Variants in AGTPBP1 observed in about 807,000 individuals in gnomAD.
The protein encoded by AGTPBP1 is ATP/GTP binding carboxypeptidase 1.
AGTPBP1 carries 70 observed loss-of-function variants against 143.9 expected under a neutral mutation model. The observed-to-expected ratio is 0.49, with a 90% confidence interval of 0.40 to 0.59. The LOEUF is 0.59. Ranked by LOEUF, AGTPBP1 falls within the 20% of genes least tolerant of loss-of-function variation. The pLI is 0.00. For missense variants in AGTPBP1, 1,229 were observed against 1,464.5 expected (o/e 0.84, Z 2.62); for synonymous variants, 463 against 500.2 (o/e 0.93, Z 0.99).
At chr9:85,670,577 T>C (rs1834419969) in intron 7 of AGTPBP1, among the ~76,000 whole-genome samples, 1 of 152,166 alleles carries the variant, frequency 6.6e-6, no homozygotes, top group Non-Finnish European at 1.5e-5. Context: ...TTAAATATAT[T>C]GTAGAACCAG....
chr9:85,594,358 C>T (rs974857620), intron 18 of AGTPBP1, among the ~76,000 whole-genome samples: 1 of 152,252 alleles, frequency 6.6e-6, no homozygotes, highest in Middle Eastern at 3.4e-3. Flanking sequence ...TTTGTTCATG[C>T]CTGTAATCCC....
chr9:85,550,648 C>A (rs1825983040), intron 25 of AGTPBP1, among the ~76,000 whole-genome samples: 1 of 152,126 alleles, frequency 6.6e-6, no homozygotes, highest in Admixed American at 6.5e-5. Context: ...CATGGACTTG[C>A]CAGATATAGT....
chr9:85,775,290 T>C, the AGTPBP1 span, among the ~76,000 whole-genome samples: 1 of 151,482 alleles, frequency 6.6e-6, no homozygotes, highest in Non-Finnish European at 1.5e-5. Flanking sequence ...GTGACAGAGT[T>C]AAGACCCTGT....
At chr9:85,574,554 G>T (rs1827775299) in intron 25 of AGTPBP1, among the ~76,000 whole-genome samples, 1 of 151,492 alleles carries the variant, frequency 6.6e-6, no homozygotes, top group Non-Finnish European at 1.5e-5. Flanking sequence ...AGGAGAAAAA[G>T]ACTACCTATT....
the AGTPBP1 span, chr9:85,756,020 T>A: frequency 3.1e-6 from 4 of 1,275,638 alleles, no homozygotes; most frequent in Non-Finnish European, 4.2e-6. Context: ...TATTACCATA[T>A]AATTTTTATG....
At chr9:85,574,643 G>A (rs1419186965) in intron 25 of AGTPBP1, among the ~76,000 whole-genome samples, 1 of 151,980 alleles carries the variant, frequency 6.6e-6, no homozygotes, top group Admixed American at 6.6e-5. Flanking sequence ...TAACCAGAAG[G>A]ATACTGGACA....
At chr9:85,645,408 A>G (rs1832752986) in intron 12 of AGTPBP1, among the ~76,000 whole-genome samples, 1 of 152,174 alleles carries the variant, frequency 6.6e-6, no homozygotes, top group African/African-American at 2.4e-5. Context: ...CAAGATAATT[A>G]AGGGCAATAC....
chr9:85,786,957 T>G, the AGTPBP1 span, among the ~76,000 whole-genome samples: 6 of 152,192 alleles, frequency 3.9e-5, no homozygotes, highest in Non-Finnish European at 7.3e-5. Flanking sequence ...AATATAACTA[T>G]ATTATTGTTA....
chr9:85,621,126 TTA>T, intron 15 of AGTPBP1, 74 bp downstream of exon 15: 2 of 790,778 alleles, frequency 2.5e-6, no homozygotes, highest in Non-Finnish European at 3.7e-6. Flanking sequence ...CACAGAATTT[TTA>T]TCTTTTAGAA....
intron 25 of AGTPBP1, among the ~76,000 whole-genome samples, chr9:85,564,650 T>C (rs533546080): frequency 6.6e-6 from 1 of 152,338 alleles, no homozygotes; most frequent in East Asian, 1.9e-4. Flanking sequence ...TACAGGCTTG[T>C]AGCCTAGGAG....
chr9:85,618,558 T>G (rs1830728933), intron 17 of AGTPBP1, among the ~76,000 whole-genome samples: 1 of 149,190 alleles, frequency 6.7e-6, no homozygotes, highest in Non-Finnish European at 1.5e-5. Flanking sequence ...ATTCCACACT[T>G]TTTTTTTTTA....
chr9:85,629,543 A>G (rs1483316589), intron 14 of AGTPBP1, among the ~76,000 whole-genome samples: 1 of 152,232 alleles, frequency 6.6e-6, no homozygotes, highest in East Asian at 1.9e-4. Flanking sequence ...GACAAAACCC[A>G]GTATCAGAAA....
intron 14 of AGTPBP1, among the ~76,000 whole-genome samples, chr9:85,622,817 A>C (rs1831023285): frequency 1.3e-5 from 2 of 152,220 alleles, no homozygotes; most frequent in Non-Finnish European, 1.5e-5. Flanking sequence ...ATAGTGAAGG[A>C]TATGGCACTT....
intron 11 of AGTPBP1, among the ~76,000 whole-genome samples, chr9:85,649,709 T>C (rs912633659): frequency 6.6e-6 from 1 of 152,162 alleles, no homozygotes; most frequent in African/African-American, 2.4e-5. Flanking sequence ...GTTCAGGAAA[T>C]ATTCCTGTGT....
rs773145673 is a variant in AGTPBP1, at chr9:85,632,806, A to G, written c.1871T>C (p.Leu624Pro). 2 of 1,614,118 alleles carry G rather than the reference A, an allele frequency of 1.2e-6. No individual in the cohort carries two copies. Among genetic ancestry groups the G allele is most frequent in the African/African-American group, 2.7e-5 (2 of 75,032 alleles). ...ASVEVPDGPT[L>P]HDPDLYIEIV... Reference sequence around the variant, plus strand: ...CTCAATATAGAGGTCTGGGTCATGGAGTGTTGGTCCATCAGGTACTTCAAC... The same window carrying G: ...CTCAATATAGAGGTCTGGGTCATGGGGTGTTGGTCCATCAGGTACTTCAAC... Residue 624 changes from leucine (L) to proline (P), a missense_variant, in exon 14 of 26, where the codon CTC becomes CCC. Leu to Pro is a moderately conservative substitution (Grantham distance 98). Coordinates refer to ENST00000357081, the MANE Select transcript of AGTPBP1 (RefSeq NM_001330701.2).
At chr9:85,705,054 T>C (rs1836894528) in intron 2 of AGTPBP1, among the ~76,000 whole-genome samples, 1 of 151,774 alleles carries the variant, frequency 6.6e-6, no homozygotes, top group South Asian at 2.1e-4. Flanking sequence ...CAGTGAACTG[T>C]GAACCAATTT....
chr9:85,805,360 CCTCACCGCGGCCTGCAGCCGCG>C, the AGTPBP1 span: 2 of 152,312 alleles, frequency 1.3e-5, no homozygotes, highest in Non-Finnish European at 2.9e-5. Context: ...TCTTCCCGCC[CCTCACCGCGGCCTGCAGCCGCG>C]CTCACCGCCG....
At chr9:85,797,965 T>A in the AGTPBP1 span, among the ~76,000 whole-genome samples, 2 of 152,056 alleles carry the variant, frequency 1.3e-5, no homozygotes, top group African/African-American at 4.8e-5. Flanking sequence ...TAATCTCCGC[T>A]CACTGCAGCC....
chr9:85,697,908 C>A (rs1836372297), intron 2 of AGTPBP1, among the ~76,000 whole-genome samples: 1 of 152,126 alleles, frequency 6.6e-6, no homozygotes, highest in Admixed American at 6.6e-5. Context: ...TGATCTTGAT[C>A]TGGTTCTTTT....
Sources: allele counts gnomAD v4.1 joint callset (sites outside exome capture counted in the v4.1 genomes callset), GRCh38; gene constraint gnomAD v4.1.1; transcripts MANE v1.5; gene names NCBI Gene and HGNC (gene_info 2026-07-23, HGNC 2026-07-21).